The following TSN variants were observed in gnomAD, a reference collection of about 807,000 sequenced individuals.
TSN encodes the protein translin, also known as component 3 of promoter of RISC.
TSN carries 5 observed loss-of-function variants against 29.4 expected under a neutral mutation model. The observed-to-expected ratio is 0.17, with a 90% CI of 0.09 to 0.36. The LOEUF is 0.36. Among genes scored for constraint, TSN ranks in the 10% least tolerant of loss-of-function variants. The pLI, the probability that TSN is intolerant of heterozygous loss-of-function variation, is 1.00. For synonymous variants in TSN, 106 were observed against 102.2 expected (o/e 1.04, Z -0.23); for missense variants, 159 against 272.8 (o/e 0.58, Z 2.94).
rs967514630 is a variant in TSN, at chr2:121,755,708, C to T, written c.-72C>T. ...TAGCGGCGGCCGTTGCGATTGATTG[C>T]GCTGGTTGCCTGCGGCGTCCACTTC... On this transcript the variant is annotated 5_prime_UTR_variant, in exon 1 of 6. Transcript: ENST00000389682. 1.8e-5 allele frequency: 28 copies of T among 1,587,798 alleles called. No individual in the cohort carries two copies. In the East Asian group the frequency reaches 5.1e-4, roughly 29 times the overall value.
Position 121,755,718 on chromosome 2 carries a change from C to T in TSN, c.-62C>T. The T allele has an allele frequency of 6.2e-7, 1 of 1,601,956 alleles. No homozygotes were observed. Among genetic ancestry groups the T allele is most frequent in the Non-Finnish European group, 8.5e-7 (1 of 1,175,336 alleles). On this transcript the variant is annotated 5_prime_UTR_variant, in exon 1 of 6. Coordinates refer to ENST00000389682, the MANE Select transcript of TSN (RefSeq NM_004622.3). ...CGTTGCGATTGATTGCGCTGGTTGCCTGCGGCGTCCACTTCCTTGGCCGCC... is the reference window on the plus strand; with the variant it reads ...CGTTGCGATTGATTGCGCTGGTTGCTTGCGGCGTCCACTTCCTTGGCCGCC...
rs1024260920 is a variant in TSN, at chr2:121,758,780, C to T, written c.231C>T (p.Thr77=). 3 of 1,589,420 alleles carry T rather than the reference C, an allele frequency of 1.9e-6. No individual in the cohort carries two copies. The highest frequency in any genetic ancestry group is 3.6e-5 in the Admixed American group (2 of 55,666). Residue 77 remains threonine (T), a synonymous_variant, in exon 3 of 6, where the codon ACC becomes ACT. Transcript: ENST00000389682. ...TVKTHLTSLK[T]KFPAEQYYRF... Reference sequence around the variant, plus strand: ...AAACACATCTAACATCTTTGAAGACCAAATTTCCTGCTGAACAGTATTACA... The same window carrying T: ...AAACACATCTAACATCTTTGAAGACTAAATTTCCTGCTGAACAGTATTACA...
Position 121,765,009 on chromosome 2 carries a change from T to A in TSN, c.454-125T>A, listed in dbSNP as rs1460600952. Reference sequence around the variant, plus strand: ...CTCCTGTCTTGTCTGTACTTGTGTGTACCCTGAGATAGAAGATCAGCGTGG... The same window carrying A: ...CTCCTGTCTTGTCTGTACTTGTGTGAACCCTGAGATAGAAGATCAGCGTGG... On this transcript the variant is annotated intron_variant, in intron 5 of 5. Coordinates refer to ENST00000389682, the MANE Select transcript of TSN (RefSeq NM_004622.3). The A allele has an allele frequency of 4.9e-6, 4 of 817,402 alleles. 1 individual carries two copies. The highest frequency in any genetic ancestry group is 8.1e-6 in the Non-Finnish European group (4 of 491,464). 50.6% of individuals were successfully genotyped at this position (817,402 alleles called of 1,614,324 possible).
chr2:121,762,480 C>T (rs557226927), intron 4 of TSN, among the ~76,000 whole-genome samples: 8 of 152,240 alleles, frequency 5.3e-5, no homozygotes, highest in African/African-American at 1.7e-4. Context: ...GCCGACTCTA[C>T]CTGGAAATGT....
intron 3 of TSN, among the ~76,000 whole-genome samples, chr2:121,760,924 G>A (rs985905372): frequency 6.9e-6 from 1 of 145,426 alleles, no homozygotes; most frequent in African/African-American, 2.6e-5. Context: ...AGGGTGGAGT[G>A]CAGTGGTGTG....
Position 121,761,533 on chromosome 2 carries a change from C to CT in TSN, c.373+12dup. The CT allele has an allele frequency of 6.3e-7, 1 of 1,594,334 alleles. No individual in the cohort carries two copies. ...TACAGAAATTCTTGGCAGTAAGTGTCTTTATTAGTGGGATCTGCAGAATCA... is the reference window on the plus strand; with the variant it reads ...TACAGAAATTCTTGGCAGTAAGTGTCTTTTATTAGTGGGATCTGCAGAATCA... On this transcript the variant is annotated intron_variant, in intron 4 of 5. Transcript: ENST00000389682.
chr2:121,762,963 A>T, intron 4 of TSN, 42 bp from the exon 5 acceptor site: 1 of 1,520,588 alleles, frequency 6.6e-7, no homozygotes, highest in Non-Finnish European at 9.0e-7. Flanking sequence ...CTGAGGCTTA[A>T]CTTGCATTCA....
At chr2:121,761,036 A>G (rs753819450) in intron 3 of TSN, among the ~76,000 whole-genome samples, 73 of 151,838 alleles carry the variant, frequency 4.8e-4, no homozygotes, top group Non-Finnish European at 9.0e-4. Flanking sequence ...CGCCTGGCTA[A>G]TTTTTGTATT....
At chr2:121,762,947 T>C in intron 4 of TSN, 58 bp from the exon 5 acceptor site, 1 of 1,453,644 alleles carries the variant, frequency 6.9e-7, no homozygotes, top group Non-Finnish European at 9.4e-7. Flanking sequence ...TGTATATTTT[T>C]ATATTCTGAG....
chr2:121,764,378 G>A (rs538574584), intron 5 of TSN, among the ~76,000 whole-genome samples: 1 of 152,154 alleles, frequency 6.6e-6, no homozygotes, highest in East Asian at 1.9e-4. Flanking sequence ...ACCAAGGTGG[G>A]AGGATCCCTT....
intron 5 of TSN, among the ~76,000 whole-genome samples, chr2:121,764,406 A>C (rs1382909766): frequency 6.6e-6 from 1 of 152,126 alleles, no homozygotes. Context: ...GGAGTTCCAC[A>C]CCAGCCTAAG....
At chr2:121,762,156 C>A (rs1202883493) in intron 4 of TSN, among the ~76,000 whole-genome samples, 1 of 152,150 alleles carries the variant, frequency 6.6e-6, no homozygotes, top group Non-Finnish European at 1.5e-5. Context: ...CCACACCCGG[C>A]TAATTTTGTA....
chr2:121,763,989 A>G (rs2074869523), intron 5 of TSN, among the ~76,000 whole-genome samples: 1 of 152,210 alleles, frequency 6.6e-6, no homozygotes, highest in Admixed American at 6.5e-5. Flanking sequence ...CTTATGTTCC[A>G]GAACTGTTGC....
At chr2:121,761,753 A>G (rs1367747430) in intron 4 of TSN, among the ~76,000 whole-genome samples, 4 of 152,192 alleles carry the variant, frequency 2.6e-5, no homozygotes, top group African/African-American at 9.6e-5. Context: ...TAACCTATAC[A>G]CATTCTCCCA....
At chr2:121,758,686 C>A in intron 2 of TSN, 24 bp from the exon 3 acceptor site, 1 of 1,517,838 alleles carries the variant, frequency 6.6e-7, no homozygotes, top group South Asian at 1.3e-5. Context: ...TTAAGTTTTT[C>A]ATTTGGTTAT....
intron 5 of TSN, among the ~76,000 whole-genome samples, chr2:121,763,706 A>G (rs1232852152): frequency 6.6e-6 from 1 of 152,152 alleles, no homozygotes; most frequent in Non-Finnish European, 1.5e-5. Flanking sequence ...TTGGACACTC[A>G]TTTGTCTATA....
chr2:121,758,733 C>T lies in TSN; in HGVS notation c.184C>T (p.Arg62Ter), dbSNP rs1219624629. Residue 62 changes from arginine to a stop codon, truncating the protein, a stop_gained, in exon 3 of 6, where the codon CGA (arginine) becomes TGA (stop). Transcript: ENST00000389682. LOFTEE classifies it high-confidence loss of function. ...AGTTCCAAAGAGGTGTTTGAAAGCT[C>T]GAGAACATTTTGGTACAGTAAAAAC... The part of the protein sequence containing the change: ...QDIPKRCLKA[R>*]EHFGTVKTHL... 1.9e-6 allele frequency: 3 copies of T among 1,584,218 alleles called. No individual in the cohort carries two copies. Among genetic ancestry groups the T allele is most frequent in the South Asian group, 1.2e-5 (1 of 83,464 alleles).
chr2:121,763,199 G>C (rs1316633638), intron 5 of TSN, 115 bp downstream of exon 5: 1 of 707,518 alleles, frequency 1.4e-6, no homozygotes, highest in East Asian at 3.3e-5. Context: ...CTGGAGTGCA[G>C]TGGCGCAATC....
At chr2:121,761,151 G>A (rs181251993) in intron 3 of TSN, among the ~76,000 whole-genome samples, 31 of 152,258 alleles carry the variant, frequency 2.0e-4, no homozygotes, top group African/African-American at 6.3e-4. Context: ...GATTACAGGC[G>A]TGAGCCATCG....
Sources: gnomAD v4.1 joint callset for allele counts (sites outside exome capture counted in the v4.1 genomes callset) on GRCh38, gnomAD v4.1.1 for gene constraint, MANE v1.5 for transcripts, NCBI Gene and HGNC (gene_info 2026-07-23, HGNC 2026-07-21) for gene names.